Variants in CDH13 observed in about 807,000 individuals in gnomAD.
CDH13 encodes the protein cadherin 13, also known as cadherin-13.
CDH13 carries 24 observed loss-of-function variants against 63.8 expected under a neutral mutation model. That is an observed-to-expected ratio of 0.38 (90% CI 0.27 to 0.53). The LOEUF is 0.53. CDH13 is among the 20% of genes least tolerant of loss of function. The probability of loss-of-function intolerance (pLI) is 0.85; values close to 1 mark genes in which losing one functional copy is unlikely to be tolerated. For missense variants in CDH13, 1,049 were observed against 903.1 expected (o/e 1.16, Z -2.07); for synonymous variants, 503 against 355.3 (o/e 1.42, Z -4.67).
intron 5 of CDH13, among the ~76,000 whole-genome samples, chr16:83,270,775 C>T (rs960924611): frequency 2.0e-5 from 3 of 151,730 alleles, no homozygotes; most frequent in Admixed American, 6.6e-5. Flanking sequence ...ACATCATTTA[C>T]ATTTACAGAT....
intron 1 of CDH13, among the ~76,000 whole-genome samples, chr16:82,683,443 C>T (rs1281373195): frequency 6.6e-6 from 1 of 152,198 alleles, no homozygotes; most frequent in African/African-American, 2.4e-5. Flanking sequence ...TGCAATGTCA[C>T]CCCAGTGACA....
chr16:82,862,190 C>T (rs1257055263), intron 2 of CDH13, among the ~76,000 whole-genome samples: 1 of 152,130 alleles, frequency 6.6e-6, no homozygotes, highest in East Asian at 1.9e-4. Flanking sequence ...GATCTGGGAG[C>T]TGACATCTTA....
chr16:82,902,060 A>C (rs890596020), intron 2 of CDH13, among the ~76,000 whole-genome samples: 10 of 152,342 alleles, frequency 6.6e-5, no homozygotes, highest in African/African-American at 2.4e-4. Context: ...AGTCTGTCTC[A>C]TTTCAAAACT....
chr16:83,328,537 T>C (rs1477428665), intron 5 of CDH13, among the ~76,000 whole-genome samples: 4 of 152,068 alleles, frequency 2.6e-5, no homozygotes, highest in African/African-American at 2.4e-5. Flanking sequence ...GAAACCTGTG[T>C]GGTGAATAGA....
intron 6 of CDH13, among the ~76,000 whole-genome samples, chr16:83,400,449 G>A (rs1000188943): frequency 6.6e-6 from 1 of 152,166 alleles, no homozygotes; most frequent in African/African-American, 2.4e-5. Context: ...AGCTCTGTGA[G>A]TGGTGCCCCC....
chr16:83,161,183 C>G (rs1412278239), intron 4 of CDH13, among the ~76,000 whole-genome samples: 2 of 152,130 alleles, frequency 1.3e-5, no homozygotes, highest in East Asian at 3.9e-4. Context: ...CATTCTAGAA[C>G]AAATTAATTA....
intron 1 of CDH13, among the ~76,000 whole-genome samples, chr16:82,681,470 G>A (rs561217502): frequency 6.6e-6 from 1 of 152,156 alleles, no homozygotes; most frequent in Non-Finnish European, 1.5e-5. Flanking sequence ...GTCATTAATG[G>A]CCAATTTTAT....
intron 2 of CDH13, among the ~76,000 whole-genome samples, chr16:83,026,300 G>T (rs1028591807): frequency 6.6e-6 from 1 of 152,192 alleles, no homozygotes; most frequent in African/African-American, 2.4e-5. Flanking sequence ...TTGGGCTGTA[G>T]AGGCAGAATG....
chr16:83,510,553 A>T (rs2074532728), intron 7 of CDH13, among the ~76,000 whole-genome samples: 1 of 152,220 alleles, frequency 6.6e-6, no homozygotes, highest in Non-Finnish European at 1.5e-5. Flanking sequence ...AACCCTGGGA[A>T]TAAGGATATG....
rs965378392 is a variant in CDH13, at chr16:83,031,374, G to A, written c.158-636G>A. 9.5e-4 allele frequency among the ~76,000 whole-genome samples: 66 copies of A among 69,210 alleles called. 4 individuals are homozygous for A. Among genetic ancestry groups the A allele is most frequent in the African/African-American group, 1.3e-3 (18 of 13,856 alleles). 45.4% of individuals were successfully genotyped at this position (69,210 alleles called of 152,430 possible). A position where few individuals can be genotyped will look rare whatever the true frequency, so the allele number is the denominator to read the frequency against. Reference sequence around the variant, plus strand: ...ATGGTATATACATGTACATGTATATGTATACACGTATATGTATATACATAT... The same window carrying A: ...ATGGTATATACATGTACATGTATATATATACACGTATATGTATATACATAT... On this transcript the variant is annotated intron_variant, in intron 2 of 13. Coordinates refer to ENST00000567109, the MANE Select transcript of CDH13 (RefSeq NM_001257.5).
At chr16:82,745,723 T>C (rs2034132521) in intron 1 of CDH13, among the ~76,000 whole-genome samples, 1 of 152,236 alleles carries the variant, frequency 6.6e-6, no homozygotes, top group South Asian at 2.1e-4. Flanking sequence ...TTTTCATAAA[T>C]AGGATTTTTC....
intron 7 of CDH13, among the ~76,000 whole-genome samples, chr16:83,543,696 G>A (rs145695169): frequency 6.6e-6 from 1 of 152,300 alleles, no homozygotes; most frequent in East Asian, 1.9e-4. Flanking sequence ...TGAGAGCAGA[G>A]TGTATTCCCA....
intron 5 of CDH13, among the ~76,000 whole-genome samples, chr16:83,232,844 T>A (rs930729511): frequency 6.6e-6 from 1 of 152,200 alleles, no homozygotes; most frequent in Non-Finnish European, 1.5e-5. Context: ...CCAGCCCTTT[T>A]ATATCTAATT....
intron 2 of CDH13, among the ~76,000 whole-genome samples, chr16:83,000,046 A>G (rs1912694428): frequency 6.6e-6 from 1 of 152,010 alleles, no homozygotes; most frequent in African/African-American, 2.4e-5. Flanking sequence ...ACAAAAAAAT[A>G]TCCTGCCCAA....
At chr16:82,826,005 C>G (rs993222223) in intron 1 of CDH13, 4 of 151,868 alleles carry the variant, frequency 2.6e-5, no homozygotes, top group African/African-American at 9.7e-5. Flanking sequence ...ACACGCACCC[C>G]ACCACACCGA....
At chr16:82,808,221 G>A (rs971018046) in intron 1 of CDH13, among the ~76,000 whole-genome samples, 2 of 152,054 alleles carry the variant, frequency 1.3e-5, no homozygotes, top group Admixed American at 6.6e-5. Flanking sequence ...ATTTTTTTTA[G>A]AACTGCTAAA....
intron 10 of CDH13, among the ~76,000 whole-genome samples, chr16:83,742,224 G>T (rs968779973): frequency 6.6e-6 from 1 of 152,134 alleles, no homozygotes; most frequent in Non-Finnish European, 1.5e-5. Context: ...GCTCTGAGGG[G>T]GCCCTGCTGA....
At chr16:83,672,624 CAGGTTGG>C (rs1331407690) in intron 9 of CDH13, among the ~76,000 whole-genome samples, 1 of 151,686 alleles carries the variant, frequency 6.6e-6, no homozygotes, top group Non-Finnish European at 1.5e-5. Context: ...GGGGTCTCAC[CAGGTTGG>C]CCAGGCTGGT....
chr16:82,838,536 C>G (rs1230931151), intron 1 of CDH13, among the ~76,000 whole-genome samples: 1 of 152,156 alleles, frequency 6.6e-6, no homozygotes, highest in Admixed American at 6.5e-5. Context: ...GGGAAATTCA[C>G]CAAAGTAATA....
Sources: allele counts gnomAD v4.1 joint callset (sites outside exome capture counted in the v4.1 genomes callset), GRCh38; gene constraint gnomAD v4.1.1; transcripts MANE v1.5; gene names NCBI Gene and HGNC (gene_info 2026-07-23, HGNC 2026-07-21).